AGMO: variants seen among roughly 807,000 people sequenced by gnomAD.
AGMO encodes the protein glyceryl-ether monooxygenase.
Under a neutral mutation model 60.2 loss-of-function variants are expected in AGMO, and 75 were observed. The ratio of observed to expected loss-of-function variants is 1.25; its 90% confidence interval spans 1.03 to 1.51. The LOEUF (loss-of-function observed/expected upper bound fraction) is 1.51. Ranked by LOEUF, AGMO falls within the 40% of genes most tolerant of loss-of-function variation. AGMO has a pLI of 0.00. For synonymous variants in AGMO, 261 were observed against 177.1 expected (o/e 1.47, Z -3.76); for missense variants, 763 against 525.5 (o/e 1.45, Z -4.42).
At chr7:15,198,243 G>GAGAGAGAGAGAGAC (rs1156830949), downstream of AGMO, among the ~76,000 whole-genome samples, 3 of 98,662 alleles carry the variant, frequency 3.0e-5, 1 homozygote, top group Non-Finnish European at 3.7e-5. Context: ...GAGAGAGAGA[G>GAGAGAGAGAGAGAC]AGAGAGAGAG....
At chr7:15,292,562 A>G (rs1460383104) in intron 12 of AGMO, among the ~76,000 whole-genome samples, 1 of 152,136 alleles carries the variant, frequency 6.6e-6, no homozygotes, top group Non-Finnish European at 1.5e-5. Context: ...AACTTAAAGA[A>G]AAGCATGTTA....
At chr7:15,182,064 C>T in the AGMO span, among the ~76,000 whole-genome samples, 1 of 152,048 alleles carries the variant, frequency 6.6e-6, no homozygotes, top group Non-Finnish European at 1.5e-5. Context: ...ATCAGTAAAT[C>T]TTAAAAAATT....
rs892179235 is a variant in AGMO at position 15,415,263 on chromosome 7, A to G, written c.609+3295T>C. ...AGGCACCCGCCACCATGCCCGGCTA[A>G]TTTTTTTGAACAGGCTCACTCCTGT... On this transcript the variant is annotated intron_variant, in intron 5 of 12. Coordinates refer to ENST00000342526, the MANE Select transcript of AGMO (RefSeq NM_001004320.2). 2.0e-5 allele frequency among the ~76,000 whole-genome samples: 3 copies of G among 151,820 alleles called. No individual in the cohort carries two copies. The South Asian group carries it at 6.2e-4, about 32-fold the overall frequency.
intron 2 of AGMO, among the ~76,000 whole-genome samples, chr7:15,551,324 T>C (rs1426405700): frequency 9.3e-5 from 14 of 151,108 alleles, no homozygotes; most frequent in African/African-American, 2.7e-4. Flanking sequence ...CCAGGGCAAT[T>C]AGGCAGGAGA....
chr7:15,182,881 A>G, the AGMO span, among the ~76,000 whole-genome samples: 4 of 152,132 alleles, frequency 2.6e-5, no homozygotes, highest in Non-Finnish European at 5.9e-5. Context: ...TCGTGGTGGA[A>G]GATGAAGGGG....
At chr7:15,546,443 A>T (rs557151818) in intron 2 of AGMO, among the ~76,000 whole-genome samples, 1 of 152,260 alleles carries the variant, frequency 6.6e-6, no homozygotes, top group African/African-American at 2.4e-5. Context: ...TACTCTGAAT[A>T]CTCTAGAATA....
chr7:15,260,900 C>A (rs916912010), intron 12 of AGMO, among the ~76,000 whole-genome samples: 2 of 146,006 alleles, frequency 1.4e-5, no homozygotes, highest in African/African-American at 5.6e-5. Context: ...ATTAAATAAC[C>A]TGCTCCTAAA....
intron 12 of AGMO, among the ~76,000 whole-genome samples, chr7:15,349,345 CAGA>C (rs1782149212): frequency 6.6e-6 from 1 of 152,104 alleles, no homozygotes; most frequent in Non-Finnish European, 1.5e-5. Flanking sequence ...CCATCCTTGC[CAGA>C]AGGTTTATAG....
intron 12 of AGMO, among the ~76,000 whole-genome samples, chr7:15,325,677 T>C (rs961196069): frequency 2.0e-5 from 3 of 152,102 alleles, no homozygotes; most frequent in Non-Finnish European, 4.4e-5. Context: ...AAAAGCAAAA[T>C]GCTTAAACTG....
At chr7:15,301,971 A>C (rs4621695) in intron 12 of AGMO, among the ~76,000 whole-genome samples, 1 of 152,032 alleles carries the variant, frequency 6.6e-6, no homozygotes, top group Admixed American at 6.6e-5. Context: ...TCAGAGGAGA[A>C]TAAGTAAAGA....
the AGMO span, among the ~76,000 whole-genome samples, chr7:15,127,409 A>C: frequency 3.9e-5 from 6 of 152,088 alleles, no homozygotes; most frequent in African/African-American, 1.2e-4. Context: ...TTAGAACTTA[A>C]CGAGTAATAC....
intron 12 of AGMO, among the ~76,000 whole-genome samples, chr7:15,208,617 A>G (rs942933082): frequency 5.3e-5 from 8 of 152,170 alleles, no homozygotes; most frequent in African/African-American, 1.9e-4. Flanking sequence ...TGATGGGCAA[A>G]CCATTCAAAA....
chr7:15,384,378 G>C (rs1317397856), intron 10 of AGMO, among the ~76,000 whole-genome samples: 1 of 152,088 alleles, frequency 6.6e-6, no homozygotes, highest in Admixed American at 6.6e-5. Context: ...CAGAATATAT[G>C]TTCAGTTGCC....
chr7:15,143,493 C>A, the AGMO span, among the ~76,000 whole-genome samples: 1 of 152,136 alleles, frequency 6.6e-6, no homozygotes, highest in Admixed American at 6.5e-5. Context: ...ACTGAACATG[C>A]AGACTGTTGT....
chr7:15,363,517 C>T (rs1435266368), intron 12 of AGMO, among the ~76,000 whole-genome samples: 1 of 152,094 alleles, frequency 6.6e-6, no homozygotes, highest in African/African-American at 2.4e-5. Context: ...AAGTAATTGC[C>T]AAAGAACACA....
At chr7:15,532,176 T>C (rs1309089390) in intron 3 of AGMO, among the ~76,000 whole-genome samples, 1 of 152,202 alleles carries the variant, frequency 6.6e-6, no homozygotes, top group Non-Finnish European at 1.5e-5. Context: ...AACCAAATCA[T>C]TAAATATAAT....
At chr7:15,491,826 T>C (rs977733391) in intron 3 of AGMO, among the ~76,000 whole-genome samples, 1 of 152,182 alleles carries the variant, frequency 6.6e-6, no homozygotes, top group Non-Finnish European at 1.5e-5. Context: ...ATGAACAGTA[T>C]GTAGATCTTC....
the AGMO span, among the ~76,000 whole-genome samples, chr7:15,118,090 A>G: frequency 6.6e-6 from 1 of 151,694 alleles, no homozygotes; most frequent in African/African-American, 2.4e-5. Context: ...AAGTTGACCA[A>G]CTAAATATCA....
chr7:15,535,091 T>C (rs1784455986), intron 3 of AGMO, among the ~76,000 whole-genome samples: 1 of 151,946 alleles, frequency 6.6e-6, no homozygotes, highest in Non-Finnish European at 1.5e-5. Flanking sequence ...AGAAGTGGCA[T>C]AACTTGCTTA....
Sources: gnomAD v4.1 joint callset for allele counts (sites outside exome capture counted in the v4.1 genomes callset) on GRCh38, gnomAD v4.1.1 for gene constraint, MANE v1.5 for transcripts, NCBI Gene and HGNC (gene_info 2026-07-23, HGNC 2026-07-21) for gene names.